DDX60L: variants seen among roughly 807,000 people sequenced by gnomAD.
The protein encoded by DDX60L is probable ATP-dependent RNA helicase DDX60-like.
Under a neutral mutation model 211.6 loss-of-function variants are expected in DDX60L, and 191 were observed. The observed-to-expected ratio is 0.90, with a 90% CI of 0.80 to 1.02. The LOEUF is 1.02. Among genes scored for constraint, DDX60L ranks in the 50% least tolerant of loss-of-function variants. DDX60L has a pLI of 0.00. For missense variants in DDX60L, 2,007 were observed against 1,984.1 expected, an observed-to-expected ratio of 1.01 and a Z score of -0.22; for synonymous variants, 706 against 694.1, an observed-to-expected ratio of 1.02 and a Z score of -0.27.
chr4:168,366,862 C>A (rs1740086182), intron 36 of DDX60L, among the ~76,000 whole-genome samples: 1 of 151,914 alleles, frequency 6.6e-6, no homozygotes, highest in East Asian at 1.9e-4. Flanking sequence ...TATAAATTAG[C>A]TTTTCCCTCA....
intron 4 of DDX60L, among the ~76,000 whole-genome samples, chr4:168,465,027 C>A (rs1208528141): frequency 2.0e-5 from 3 of 151,998 alleles, no homozygotes; most frequent in African/African-American, 7.2e-5. Flanking sequence ...AGTGGAGTTG[C>A]TGGTTCATAT....
intron 9 of DDX60L, among the ~76,000 whole-genome samples, chr4:168,447,335 C>G (rs1754970844): frequency 6.9e-6 from 1 of 144,424 alleles, no homozygotes; most frequent in African/African-American, 2.5e-5. Context: ...CAATGAGATA[C>G]CATCTCACAC....
chr4:168,389,905 T>C (rs1292299193), intron 29 of DDX60L, among the ~76,000 whole-genome samples: 1 of 152,226 alleles, frequency 6.6e-6, no homozygotes, highest in East Asian at 1.9e-4. Context: ...GTTCTCATTG[T>C]ATGACAAATC....
intron 5 of DDX60L, 148 bp downstream of exon 5, chr4:168,461,551 T>C (rs911480769): frequency 3.3e-6 from 2 of 609,950 alleles, no homozygotes; most frequent in African/African-American, 3.7e-5. Flanking sequence ...ATGTCCATCA[T>C]TATCATTGTT....
In DDX60L at chr4:168,400,991, G is replaced by A. The variant is rs917565095; in HGVS notation, c.3339-13C>T. On this transcript the variant is annotated splice_polypyrimidine_tract_variant and intron_variant, in intron 25 of 37. Coordinates refer to ENST00000682922, the MANE Select transcript of DDX60L (RefSeq NM_001012967.3). ...ATCATTCTTAAACCTTAAAACAAAT[G>A]AAAACAGTGCTTTGAAAAGACTATG... The A allele has an allele frequency of 6.2e-6, 10 of 1,606,382 alleles. No individual in the cohort carries two copies. Among genetic ancestry groups the A allele is most frequent in the Non-Finnish European group, 8.5e-6 (10 of 1,177,350 alleles).
chr4:168,399,864 G>C (rs1746483404), intron 26 of DDX60L, among the ~76,000 whole-genome samples: 1 of 152,150 alleles, frequency 6.6e-6, no homozygotes, highest in Non-Finnish European at 1.5e-5. Context: ...TTGTTTTTAA[G>C]TTTTATTTTA....
intron 9 of DDX60L, 121 bp from the exon 10 acceptor site, chr4:168,441,613 G>A (rs528341065): frequency 1.3e-6 from 1 of 777,762 alleles, no homozygotes; most frequent in Admixed American, 2.9e-5. Context: ...GAAACTTACA[G>A]TGAGTTACAC....
chr4:168,477,831 T>C (rs1306405238), intron 1 of DDX60L, among the ~76,000 whole-genome samples: 2 of 152,204 alleles, frequency 1.3e-5, no homozygotes, highest in African/African-American at 4.8e-5. Context: ...ATGGTCAATG[T>C]CTATAGTGTT....
At chr4:168,409,444 A>T (rs530207340) in intron 22 of DDX60L, among the ~76,000 whole-genome samples, 1 of 152,362 alleles carries the variant, frequency 6.6e-6, no homozygotes, top group South Asian at 2.1e-4. Context: ...ATACTATGCA[A>T]CTAAAAACTT....
rs780454159 is a variant in DDX60L at position 168,457,985 on chromosome 4, T to C, written c.630A>G (p.Ala210=). The C allele has an allele frequency of 6.4e-6, 10 of 1,560,640 alleles. No individual in the cohort carries two copies. Among genetic ancestry groups the C allele is most frequent in the Middle Eastern group, 1.7e-4 (1 of 5,878 alleles). The change falls in exon 6 of 38, where the codon GCA becomes GCG. Residue 210 remains alanine, a synonymous_variant. Coordinates refer to ENST00000682922, the MANE Select transcript of DDX60L (RefSeq NM_001012967.3). ...CCAAGTGTTGTATGAGGCTTTTATA[T>C]GCACTCTGAATCACTGTTTCATTCT... is the stretch of plus-strand genomic sequence containing the variant. ...SKENETVIQS[A]YKSLIQHLEE... is the part of the protein sequence containing the mutation.
At chr4:168,365,768 A>T (rs1231020559) in intron 36 of DDX60L, among the ~76,000 whole-genome samples, 5 of 152,154 alleles carry the variant, frequency 3.3e-5, no homozygotes, top group Admixed American at 2.0e-4. Context: ...CAAATCCAAA[A>T]ATTCTCAACA....
At chr4:168,409,700 A>G (rs1480099321) in intron 22 of DDX60L, among the ~76,000 whole-genome samples, 1 of 152,206 alleles carries the variant, frequency 6.6e-6, no homozygotes, top group Non-Finnish European at 1.5e-5. Flanking sequence ...ACCATAGCTC[A>G]GAATCTATGA....
chr4:168,438,931 T>C (rs1389489259), intron 10 of DDX60L, among the ~76,000 whole-genome samples: 4 of 152,244 alleles, frequency 2.6e-5, no homozygotes, highest in Non-Finnish European at 5.9e-5. Flanking sequence ...TTACATACAA[T>C]GTAGTCATAA....
chr4:168,378,272 C>CAGTA, intron 33 of DDX60L, 82 bp downstream of exon 33: 1 of 745,466 alleles, frequency 1.3e-6, no homozygotes, highest in East Asian at 3.1e-5. Flanking sequence ...ATTAATTTAA[C>CAGTA]CCTATAGGTA....
chr4:168,473,172 C>T (rs1561146276), intron 1 of DDX60L, among the ~76,000 whole-genome samples: 1 of 152,160 alleles, frequency 6.6e-6, no homozygotes, highest in Non-Finnish European at 1.5e-5. Context: ...GCGGCTGCAG[C>T]AGAGGGTAAG....
intron 26 of DDX60L, among the ~76,000 whole-genome samples, chr4:168,398,617 C>G (rs889252687): frequency 2.0e-5 from 3 of 152,328 alleles, no homozygotes; most frequent in Admixed American, 6.5e-5. Context: ...GGGAACTTAA[C>G]GGTGCTTTCT....
rs1415224551 is a variant in DDX60L at position 168,357,853 on chromosome 4, G to A, written c.*294C>T. On this transcript the variant is annotated 3_prime_UTR_variant, in exon 38 of 38. Coordinates refer to ENST00000682922, the MANE Select transcript of DDX60L (RefSeq NM_001012967.3). ...ATTAACTACTAAAAAAACCACTACCGTTCATTAAGTCACCACCCAATCCCA... is the reference window on the plus strand; with the variant it reads ...ATTAACTACTAAAAAAACCACTACCATTCATTAAGTCACCACCCAATCCCA... 4.0e-5 allele frequency: 9 copies of A among 222,746 alleles called. No homozygotes were observed. The highest frequency in any genetic ancestry group is 1.4e-4 in the African/African-American group (6 of 43,438). 13.8% of individuals were successfully genotyped at this position (222,746 alleles called of 1,614,324 possible).
At chr4:168,465,164 T>C (rs966068508) in intron 4 of DDX60L, among the ~76,000 whole-genome samples, 1 of 149,358 alleles carries the variant, frequency 6.7e-6, no homozygotes, top group African/African-American at 2.5e-5. Flanking sequence ...ATTTTTTTTT[T>C]GTCTTTTTGA....
At chr4:168,377,926 A>T (rs1278283740) in intron 33 of DDX60L, 1 of 152,446 alleles carries the variant, frequency 6.6e-6, no homozygotes, top group Non-Finnish European at 1.5e-5. Flanking sequence ...CTCAACCCTT[A>T]AGTTAGGGGA....
Sources: allele counts gnomAD v4.1 joint callset (sites outside exome capture counted in the v4.1 genomes callset), GRCh38; gene constraint gnomAD v4.1.1; transcripts MANE v1.5; gene names NCBI Gene and HGNC (gene_info 2026-07-23, HGNC 2026-07-21).